The following PARD3B variants were observed in gnomAD, a reference collection of about 807,000 sequenced individuals.
PARD3B encodes the protein par-3 family cell polarity regulator beta.
PARD3B carries 103 observed loss-of-function variants against 130.2 expected under a neutral mutation model. That is an observed-to-expected ratio of 0.79 (90% CI 0.67 to 0.93). The LOEUF (loss-of-function observed/expected upper bound fraction) is 0.93, where lower values mean the gene tolerates loss of function less well. Ranked by LOEUF, PARD3B falls within the 40% of genes least tolerant of loss-of-function variation. The pLI, the probability that PARD3B is intolerant of heterozygous loss-of-function variation, is 0.00. For missense variants in PARD3B, 1,609 were observed against 1,499.2 expected (o/e 1.07, Z -1.21); for synonymous variants, 583 against 553.2 (o/e 1.05, Z -0.76).
intron 3 of PARD3B, among the ~76,000 whole-genome samples, chr2:204,996,432 G>T: frequency 2.0e-5 from 3 of 152,194 alleles, no homozygotes; most frequent in Non-Finnish European, 4.4e-5. Flanking sequence ...GAGGCAGTGT[G>T]CCGGTTCTCA....
At chr2:204,856,384 A>G (rs1434144569) in intron 2 of PARD3B, among the ~76,000 whole-genome samples, 1 of 152,114 alleles carries the variant, frequency 6.6e-6, no homozygotes, top group African/African-American at 2.4e-5. Context: ...GCCCATTTTT[A>G]AAACAGTTTT....
intron 2 of PARD3B, among the ~76,000 whole-genome samples, chr2:204,877,452 A>C (rs1438059259): frequency 6.6e-6 from 1 of 152,224 alleles, no homozygotes; most frequent in Non-Finnish European, 1.5e-5. Context: ...CTCACATAGA[A>C]GGAGGGCTGA....
intron 3 of PARD3B, among the ~76,000 whole-genome samples, chr2:205,046,093 G>T (rs944047462): frequency 2.0e-5 from 3 of 151,998 alleles, no homozygotes; most frequent in African/African-American, 7.2e-5. Context: ...ATTGCATTTA[G>T]ACTGACTTGT....
intron 18 of PARD3B, among the ~76,000 whole-genome samples, chr2:205,315,287 T>C (rs1559652360): frequency 6.6e-6 from 1 of 152,164 alleles, no homozygotes; most frequent in Non-Finnish European, 1.5e-5. Flanking sequence ...GTTTCCTCTC[T>C]TGTGAAATTG....
chr2:204,589,892 A>C (rs1244369694), intron 1 of PARD3B, among the ~76,000 whole-genome samples: 1 of 152,184 alleles, frequency 6.6e-6, no homozygotes, highest in African/African-American at 2.4e-5. Flanking sequence ...GACCAGGCCC[A>C]GTGAGCAGAT....
chr2:204,874,179 A>G (rs567678988), intron 2 of PARD3B, among the ~76,000 whole-genome samples: 1 of 152,248 alleles, frequency 6.6e-6, no homozygotes, highest in South Asian at 2.1e-4. Flanking sequence ...AACAAAACAA[A>G]ACAAAAAACA....
At chr2:205,391,861 T>C (rs1211579500) in intron 18 of PARD3B, among the ~76,000 whole-genome samples, 2 of 152,006 alleles carry the variant, frequency 1.3e-5, no homozygotes, top group African/African-American at 4.8e-5. Context: ...TAAGTTTCCC[T>C]TTTTTTCCCC....
At chr2:205,074,002 C>T (rs1403285345) in intron 4 of PARD3B, among the ~76,000 whole-genome samples, 1 of 152,142 alleles carries the variant, frequency 6.6e-6, no homozygotes, top group Non-Finnish European at 1.5e-5. Flanking sequence ...ACTTCAGTCC[C>T]ATTAGACAAA....
At chr2:204,783,728 A>AG (rs1039664509) in intron 2 of PARD3B, among the ~76,000 whole-genome samples, 5 of 152,150 alleles carry the variant, frequency 3.3e-5, no homozygotes, top group Admixed American at 3.3e-4. Context: ...TCTCACTCAA[A>AG]GGCACAGTAG....
intron 2 of PARD3B, among the ~76,000 whole-genome samples, chr2:204,926,586 C>T (rs1055249812): frequency 3.3e-4 from 50 of 152,068 alleles, no homozygotes; most frequent in African/African-American, 1.0e-3. Context: ...TGGATCTCCT[C>T]ACAACATGTG....
At chr2:204,957,472 A>G (rs1690359814) in intron 2 of PARD3B, among the ~76,000 whole-genome samples, 1 of 152,072 alleles carries the variant, frequency 6.6e-6, no homozygotes, top group Non-Finnish European at 1.5e-5. Flanking sequence ...TTTGGGGAGG[A>G]AATGAAAATA....
chr2:204,956,597 C>T (rs1690259316), intron 2 of PARD3B, among the ~76,000 whole-genome samples: 1 of 151,880 alleles, frequency 6.6e-6, no homozygotes, highest in Non-Finnish European at 1.5e-5. Context: ...TCCATTTCCT[C>T]CCAAGATAGT....
rs796756843 is a variant in PARD3B at position 205,263,634 on chromosome 2, T to C, written c.2185+17812T>C. 1.3e-4 allele frequency among the ~76,000 whole-genome samples: 19 copies of C among 150,942 alleles called. No individual in the cohort carries two copies. The highest frequency in any genetic ancestry group is 4.1e-4 in the African/African-American group (17 of 41,150). On this transcript the variant is annotated intron_variant, in intron 16 of 22. Coordinates refer to ENST00000406610, the MANE Select transcript of PARD3B (RefSeq NM_001302769.2). The surrounding 1 kb of genome is among the most constrained non-coding windows in gnomAD (Gnocchi z 4.0). ...AACTATAAAACTTCTAGAAAACAAA[T>C]GGGAGAAATTTTAGTTACAGTGGGT...
chr2:204,991,089 A>G (rs1472883482), intron 3 of PARD3B, among the ~76,000 whole-genome samples: 2 of 149,084 alleles, frequency 1.3e-5, no homozygotes, highest in Non-Finnish European at 3.0e-5. Context: ...TTTTTTTATT[A>G]TACTTATATA....
chr2:204,625,810 C>T (rs2034467194), intron 1 of PARD3B, among the ~76,000 whole-genome samples: 1 of 152,038 alleles, frequency 6.6e-6, no homozygotes, highest in Non-Finnish European at 1.5e-5. Context: ...ATGAAAATTC[C>T]TTCCTTTTTG....
chr2:204,715,663 G>A (rs1027689982), intron 2 of PARD3B, among the ~76,000 whole-genome samples: 7 of 152,078 alleles, frequency 4.6e-5, no homozygotes, highest in Admixed American at 3.9e-4. Context: ...TCTTAGAGAA[G>A]ATCTTCTATA....
At chr2:205,510,902 A>T (rs529067067) in intron 21 of PARD3B, among the ~76,000 whole-genome samples, 10 of 152,222 alleles carry the variant, frequency 6.6e-5, no homozygotes, top group Non-Finnish European at 1.3e-4. Context: ...TCTTTAATCC[A>T]GTTTTATAGA....
At chr2:205,225,336 A>C (rs2038485042) in intron 15 of PARD3B, among the ~76,000 whole-genome samples, 2 of 152,182 alleles carry the variant, frequency 1.3e-5, no homozygotes, top group African/African-American at 2.4e-5. Context: ...TATAGTTTTG[A>C]CTTGCATTTC....
chr2:204,638,648 A>T (rs1216680810), intron 1 of PARD3B, among the ~76,000 whole-genome samples: 1 of 152,166 alleles, frequency 6.6e-6, no homozygotes, highest in African/African-American at 2.4e-5. Flanking sequence ...TCATTATTTT[A>T]TAGACTATGC....
Sources: allele counts gnomAD v4.1 joint callset (sites outside exome capture counted in the v4.1 genomes callset), GRCh38; gene constraint gnomAD v4.1.1; non-coding constraint Gnocchi (gnomAD v3.1); transcripts MANE v1.5; gene names NCBI Gene and HGNC (gene_info 2026-07-23, HGNC 2026-07-21).